Variants in SCAMP1 observed in about 807,000 individuals in gnomAD.
The protein encoded by SCAMP1 is secretory carrier-associated membrane protein 1.
In SCAMP1, 15 loss-of-function variants were observed where a neutral mutation model predicts 41.8. The ratio of observed to expected loss-of-function variants is 0.36; its 90% CI spans 0.24 to 0.55. The LOEUF is 0.55. Among genes scored for constraint, SCAMP1 ranks in the 20% least tolerant of loss-of-function variants. SCAMP1 has a pLI of 0.86. For missense variants in SCAMP1, 341 were observed against 412.6 expected (o/e 0.83, Z 1.50); for synonymous variants, 135 against 136.8 (o/e 0.99, Z 0.09).
intron 1 of SCAMP1, among the ~76,000 whole-genome samples, chr5:78,374,548 C>T (rs1751019055): frequency 6.6e-6 from 1 of 152,024 alleles, no homozygotes; most frequent in East Asian, 1.9e-4. Flanking sequence ...TGGCTGTAAG[C>T]TAAGAAACTA....
In SCAMP1 at chr5:78,418,719, A is replaced by G; in HGVS notation, c.344-56A>G. 6.2e-6 allele frequency: 7 copies of G among 1,137,402 alleles called. No homozygotes were observed. The South Asian group carries it at 1.1e-4, about 18-fold the overall frequency. 70.5% of individuals were successfully genotyped at this position (1,137,402 alleles called of 1,614,324 possible). A position where few individuals can be genotyped will look rare whatever the true frequency, so the allele number is the denominator to read the frequency against. The stretch of plus-strand genomic sequence containing the variant: ...TTTCTTTATTATGAAACAAAAAATA[A>G]TATCACATTTGTTATAATATAAATA... On this transcript the variant is annotated intron_variant, in intron 4 of 8. Transcript: ENST00000621999.
At chr5:78,360,798 C>G (rs1324914428) in intron 1 of SCAMP1, 70 bp downstream of exon 1, 2 of 1,444,108 alleles carry the variant, frequency 1.4e-6, no homozygotes, top group East Asian at 2.5e-5. Flanking sequence ...CGAGTTCCTT[C>G]GCGCCCACTG....
chr5:78,479,041 CTG>C lies in SCAMP1; in HGVS notation c.*3375_*3376del, dbSNP rs914877777. On this transcript the variant is annotated 3_prime_UTR_variant, in exon 9 of 9. Coordinates refer to ENST00000621999, the MANE Select transcript of SCAMP1 (RefSeq NM_004866.6). ...ATTGCTGTATCTTTTTCTGAAAACA[CTG>C]TTGTTAACATCTAATTCAGTATCCT... 6.6e-6 allele frequency: 1 copy of C among 152,162 alleles called. No homozygotes were observed. Among genetic ancestry groups the C allele is most frequent in the African/African-American group, 2.4e-5 (1 of 41,466 alleles). The allele number at this position is 152,162 out of a possible 1,614,324, so 9.4% of individuals were successfully genotyped here. A position where few individuals can be genotyped will look rare whatever the true frequency, so the allele number is the denominator to read the frequency against.
intron 7 of SCAMP1, among the ~76,000 whole-genome samples, chr5:78,455,405 A>G (rs1414893080): frequency 3.1e-5 from 4 of 127,380 alleles, no homozygotes; most frequent in Non-Finnish European, 3.3e-5. Context: ...ATTGGTTTCA[A>G]AGAACATCTT....
chr5:78,466,433 A>C (rs1753745972), intron 8 of SCAMP1, among the ~76,000 whole-genome samples: 1 of 152,218 alleles, frequency 6.6e-6, no homozygotes, highest in Non-Finnish European at 1.5e-5. Flanking sequence ...TTATCTAAGC[A>C]AAAGAATAAG....
At chr5:78,392,862 T>C (rs1355436940) in intron 2 of SCAMP1, among the ~76,000 whole-genome samples, 1 of 152,082 alleles carries the variant, frequency 6.6e-6, no homozygotes, top group Non-Finnish European at 1.5e-5. Flanking sequence ...AGATAATTGA[T>C]TTAAGTGGTA....
At chr5:78,409,464 T>G (rs1214299966) in intron 2 of SCAMP1, among the ~76,000 whole-genome samples, 2 of 151,390 alleles carry the variant, frequency 1.3e-5, no homozygotes, top group Admixed American at 6.6e-5. Flanking sequence ...CACGCTCATC[T>G]GTCCCAGAGT....
intron 7 of SCAMP1, among the ~76,000 whole-genome samples, chr5:78,450,423 ACAAAC>A (rs1228001665): frequency 6.6e-6 from 1 of 152,256 alleles, no homozygotes; most frequent in Non-Finnish European, 1.5e-5. Context: ...TTTTAGGTAT[ACAAAC>A]AGATATATTT....
At chr5:78,449,903 T>C (rs778536904) in intron 6 of SCAMP1, 30 bp from the exon 7 acceptor site, 2 of 1,295,898 alleles carry the variant, frequency 1.5e-6, no homozygotes, top group Admixed American at 4.8e-5. Flanking sequence ...CTAACCCCCT[T>C]TTTTCTTTCT....
intron 1 of SCAMP1, among the ~76,000 whole-genome samples, chr5:78,377,084 C>T (rs1180084980): frequency 1.3e-5 from 2 of 151,770 alleles, no homozygotes; most frequent in African/African-American, 2.4e-5. Flanking sequence ...TTCCCCTAAC[C>T]TCTAGACAAT....
intron 2 of SCAMP1, among the ~76,000 whole-genome samples, chr5:78,395,848 G>A (rs61534900): frequency 0.028 from 4,329 of 152,268 alleles, 221 homozygotes; most frequent in African/African-American, 0.097. Flanking sequence ...ATAATGTAAC[G>A]TAATCAAAGG....
intron 1 of SCAMP1, among the ~76,000 whole-genome samples, chr5:78,366,951 CAAAA>C (rs578031671): frequency 7.0e-6 from 1 of 143,104 alleles, no homozygotes. Context: ...AAAAAACAAA[CAAAA>C]AAAAGATATA....
At chr5:78,431,651 T>C (rs1001169031) in intron 6 of SCAMP1, among the ~76,000 whole-genome samples, 4 of 151,418 alleles carry the variant, frequency 2.6e-5, no homozygotes, top group Admixed American at 6.6e-5. Context: ...TTTTACAATA[T>C]ATGTCTCTAA....
intron 2 of SCAMP1, among the ~76,000 whole-genome samples, chr5:78,414,342 G>T (rs949129856): frequency 6.6e-6 from 1 of 151,840 alleles, no homozygotes; most frequent in African/African-American, 2.4e-5. Flanking sequence ...GAGTGCAGTG[G>T]TGCGATCTTA....
chr5:78,460,804 C>CTT (rs1338982922), intron 8 of SCAMP1, among the ~76,000 whole-genome samples: 1 of 24,718 alleles, frequency 4.0e-5, no homozygotes, highest in Non-Finnish European at 1.1e-4. Flanking sequence ...TTCCTTCCTT[C>CTT]CTCCCTTCCT....
At chr5:78,449,322 A>G (rs142891106) in intron 6 of SCAMP1, among the ~76,000 whole-genome samples, 4 of 152,294 alleles carry the variant, frequency 2.6e-5, no homozygotes, top group African/African-American at 9.6e-5. Context: ...AAAGGAATGA[A>G]CTTTTGATAC....
At chr5:78,435,400 A>AT (rs1752724569) in intron 6 of SCAMP1, among the ~76,000 whole-genome samples, 1 of 151,660 alleles carries the variant, frequency 6.6e-6, no homozygotes, top group Non-Finnish European at 1.5e-5. Context: ...CCAACCCCTC[A>AT]TTGTGTGATG....
chr5:78,385,565 T>C (rs1035214538), intron 1 of SCAMP1, among the ~76,000 whole-genome samples: 1 of 152,198 alleles, frequency 6.6e-6, no homozygotes, highest in African/African-American at 2.4e-5. Flanking sequence ...TTTCAGACTT[T>C]TTGATGTAAG....
At chr5:78,360,945 G>C (rs1037383126) in intron 1 of SCAMP1, 28 of 564,184 alleles carry the variant, frequency 5.0e-5, no homozygotes, top group African/African-American at 4.9e-4. Flanking sequence ...GCTCGTGCCC[G>C]GTCGCCCTTC....
Sources: allele counts gnomAD v4.1 joint callset (sites outside exome capture counted in the v4.1 genomes callset), GRCh38; gene constraint gnomAD v4.1.1; transcripts MANE v1.5; gene names NCBI Gene and HGNC (gene_info 2026-07-23, HGNC 2026-07-21).